The following SPTBN5 variants were observed in gnomAD, a reference collection of about 807,000 sequenced individuals.
The protein encoded by SPTBN5 is spectrin beta, non-erythrocytic 5.
In SPTBN5, 513 loss-of-function variants were observed where a neutral mutation model predicts 477.6. That is an observed-to-expected ratio of 1.07 (90% confidence interval 1.00 to 1.16). The LOEUF (loss-of-function observed/expected upper bound fraction) is 1.16. Ranked by LOEUF, SPTBN5 falls within the 50% of genes most tolerant of loss-of-function variation. SPTBN5 has a pLI of 0.00. For missense variants in SPTBN5, 5,062 were observed against 4,731.8 expected (o/e 1.07, Z -2.05); for synonymous variants, 2,169 against 2,011.7 (o/e 1.08, Z -2.09).
At position 41,879,737 on chromosome 15, in the gene SPTBN5, T is replaced by C. The variant is rs774345078; in HGVS notation, c.2939A>G (p.Gln980Arg). 1 of 1,613,670 alleles carries C rather than the reference T, an allele frequency of 6.2e-7. No homozygotes were observed. Among genetic ancestry groups the C allele is most frequent in the South Asian group, 1.1e-5 (1 of 91,068 alleles). The change falls in exon 15 of 68, where the codon CAG becomes CGG. Residue 980 changes from glutamine to arginine, a missense_variant. By Grantham distance (43) the Gln-to-Arg change is conservative. Coordinates refer to ENST00000320955, the MANE Select transcript of SPTBN5 (RefSeq NM_016642.4). ...TGCACTCCTGCCTCATTCTCACCTC[T>C]GGCTCAGTTCCTCCTGCTGTCGTTG... ...QIQRQQEELS[Q>R]RWGQLEALKR...
Position 41,857,246 on chromosome 15 carries a change from C to A in SPTBN5, c.8613G>T (p.Leu2871=). The change falls in exon 51 of 68, where the codon CTG becomes CTT. Residue 2871 remains leucine (L), a synonymous_variant. Transcript: ENST00000320955. ...AQDVEEQARR[L]LQRFKSLREP... ...GGCACGGGTGGATCTACCTCTGAAG[C>A]AGCCGCCGGGCCTGCTCTTCCACAT... The A allele has an allele frequency of 6.3e-7, 1 of 1,582,936 alleles. No homozygotes were observed. Among genetic ancestry groups the A allele is most frequent in the Admixed American group, 1.8e-5 (1 of 56,424 alleles).
At chr15:41,865,149 A>G (rs2066255920) in intron 39 of SPTBN5, among the ~76,000 whole-genome samples, 1 of 152,174 alleles carries the variant, frequency 6.6e-6, no homozygotes, top group South Asian at 2.1e-4. Context: ...GGTCTTTAAC[A>G]CCTGATTGTC....
chr15:41,882,032 G>A lies in SPTBN5; in HGVS notation c.2361C>T (p.His787=). The stretch of plus-strand genomic sequence containing the variant: ...CGCGCAGGACGCGCTCCAGCCGCAC[G>A]TGGCGCCTCAGCAGGGTCTCGGCGG... The part of the protein sequence containing the change: ...QAAAETLLRR[H]VRLERVLRAF... The change falls in exon 12 of 68, where the codon CAC becomes CAT. Residue 787 remains histidine (H), a synonymous_variant. Coordinates refer to ENST00000320955, the MANE Select transcript of SPTBN5 (RefSeq NM_016642.4). 3.9e-6 allele frequency: 6 copies of A among 1,548,362 alleles called. No homozygotes were observed. The highest frequency in any genetic ancestry group is 5.2e-6 in the Non-Finnish European group (6 of 1,157,998).
At position 41,862,274 on chromosome 15, in the gene SPTBN5, G is replaced by T; in HGVS notation, c.7404C>A (p.Ala2468=). Residue 2468 remains alanine, a synonymous_variant, in exon 44 of 68, where the codon GCC becomes GCA. Coordinates refer to ENST00000320955, the MANE Select transcript of SPTBN5 (RefSeq NM_016642.4). Reference sequence around the variant, plus strand: ...CCTGGAGTTTCTGAGCTTGGTGCAAGGCATCCAGCGCCTCCCTCCTGCCCA... The same window carrying T: ...CCTGGAGTTTCTGAGCTTGGTGCAATGCATCCAGCGCCTCCCTCCTGCCCA... The part of the protein sequence containing the change: ...RAQKRREALD[A]LHQAQKLQAM... 1.9e-6 allele frequency: 3 copies of T among 1,605,588 alleles called. No homozygotes were observed. The highest frequency in any genetic ancestry group is 1.7e-6 in the Non-Finnish European group (2 of 1,175,872).
intron 47 of SPTBN5, 150 bp downstream of exon 47, chr15:41,860,436 G>T: frequency 1.3e-6 from 1 of 759,534 alleles, no homozygotes; most frequent in East Asian, 3.4e-5. Flanking sequence ...AGGGCCAGGG[G>T]TGGTGGGGAC....
intron 34 of SPTBN5, 135 bp from the exon 35 acceptor site, chr15:41,867,777 G>A (rs559803341): frequency 3.3e-6 from 3 of 895,692 alleles, no homozygotes; most frequent in Non-Finnish European, 5.4e-6. Context: ...GGAGCTGTGA[G>A]GAGTGGGAGT....
intron 29 of SPTBN5, 51 bp from the exon 30 acceptor site, chr15:41,870,611 C>G: frequency 1.3e-6 from 2 of 1,487,754 alleles, no homozygotes; most frequent in South Asian, 2.3e-5. Flanking sequence ...CGGGCCGTGT[C>G]ATTCCTCCCT....
chr15:41,870,693 A>G, intron 29 of SPTBN5, 133 bp from the exon 30 acceptor site: 1 of 621,748 alleles, frequency 1.6e-6, no homozygotes. Flanking sequence ...CCTTCTTAAA[A>G]CCTCTCCCGC....
rs141376999 is a variant in SPTBN5 at position 41,856,287 on chromosome 15, C to G, written c.9021+99G>C. Reference sequence around the variant, plus strand: ...GCAGGAGACCACTGAGTGGAGGAGACGAAAGGTGCCCAGGCCAGGAGCCCC... The same window carrying G: ...GCAGGAGACCACTGAGTGGAGGAGAGGAAAGGTGCCCAGGCCAGGAGCCCC... On this transcript the variant is annotated intron_variant, in intron 53 of 67. Transcript: ENST00000320955. 5 of 1,140,082 alleles carry G rather than the reference C, an allele frequency of 4.4e-6. No homozygotes were observed. The African/African-American group carries it at 8.0e-5, about 18-fold the overall frequency. The allele number at this position is 1,140,082 out of a possible 1,614,324, so 70.6% of individuals were successfully genotyped here.
chr15:41,887,907 CT>C lies in SPTBN5; in HGVS notation c.659+20del. The C allele has an allele frequency of 6.2e-7, 1 of 1,600,546 alleles. No homozygotes were observed. The highest frequency in any genetic ancestry group is 1.1e-5 in the South Asian group (1 of 88,520). On this transcript the variant is annotated intron_variant, in intron 5 of 67. Transcript: ENST00000320955. ...TGTTGGCTCAGTGGGCAGAGGCCTC[CT>C]GACAAGGGTGGGGTCACACCTGTGG... is the stretch of plus-strand genomic sequence containing the variant.
intron 28 of SPTBN5, 97 bp from the exon 29 acceptor site, chr15:41,871,617 G>A (rs1301758160): frequency 3.5e-6 from 5 of 1,416,556 alleles, no homozygotes; most frequent in African/African-American, 1.5e-5. Flanking sequence ...TGGGTGATGT[G>A]GGCTTGGATA....
intron 16 of SPTBN5, 142 bp downstream of exon 16, chr15:41,879,118 T>G: frequency 1.0e-6 from 1 of 998,872 alleles, no homozygotes; most frequent in African/African-American, 1.6e-5. Flanking sequence ...CATTTTCTCC[T>G]GATCATCCCC....
intron 5 of SPTBN5, 138 bp downstream of exon 5, chr15:41,887,790 C>A: frequency 4.6e-6 from 4 of 878,678 alleles, no homozygotes; most frequent in Non-Finnish European, 3.4e-6. Flanking sequence ...AGGGGCTAAC[C>A]CATCAGCCCT....
At chr15:41,875,429 C>T in intron 22 of SPTBN5, 29 bp downstream of exon 22, 1 of 1,604,268 alleles carries the variant, frequency 6.2e-7, no homozygotes, top group Non-Finnish European at 8.5e-7. Context: ...CCGTCTCCCT[C>T]TTGTGCCCTG....
chr15:41,879,950 T>G (rs2066891329), intron 14 of SPTBN5, 86 bp from the exon 15 acceptor site: 2 of 1,552,196 alleles, frequency 1.3e-6, no homozygotes, highest in East Asian at 4.6e-5. Context: ...TGAGTGGTGC[T>G]CTCTGCTACA....
At chr15:41,884,388 G>A (rs2067082433) in intron 7 of SPTBN5, among the ~76,000 whole-genome samples, 3 of 152,158 alleles carry the variant, frequency 2.0e-5, no homozygotes, top group African/African-American at 7.2e-5. Context: ...CCAAAGTGCT[G>A]AGATTACAGG....
In SPTBN5 at chr15:41,863,791, G is replaced by A. The variant is rs2066202599; in HGVS notation, c.7062C>T (p.Leu2354=). The A allele has an allele frequency of 6.2e-7, 1 of 1,613,746 alleles. No individual in the cohort carries two copies. Among genetic ancestry groups the A allele is most frequent in the African/African-American group, 1.3e-5 (1 of 74,938 alleles). The change falls in exon 41 of 68, where the codon CTC becomes CTT. Residue 2354 remains leucine (L), a synonymous_variant. Coordinates refer to ENST00000320955, the MANE Select transcript of SPTBN5 (RefSeq NM_016642.4). ...CCCCTTCGAGCTGCTGCTGGTACCGGAGCAAGTTGCCATGGAAACTCGCCC... is the reference window on the plus strand; with the variant it reads ...CCCCTTCGAGCTGCTGCTGGTACCGAAGCAAGTTGCCATGGAAACTCGCCC... ...NRWASFHGNL[L]RYQQQLEGAL... is the part of the protein sequence containing the mutation.
intron 12 of SPTBN5, 64 bp downstream of exon 12, chr15:41,881,872 T>C: frequency 6.9e-7 from 1 of 1,442,342 alleles, no homozygotes; most frequent in Non-Finnish European, 9.1e-7. Flanking sequence ...ATTTTTGTCC[T>C]CTGTGTGGCC....
chr15:41,850,965 C>CTCCACTG, intron 65 of SPTBN5, 26 bp from the exon 66 acceptor site: 1 of 1,593,752 alleles, frequency 6.3e-7, no homozygotes. Flanking sequence ...ACAGGTCAAA[C>CTCCACTG]TCCACTGTCC....
Sources: allele counts gnomAD v4.1 joint callset (sites outside exome capture counted in the v4.1 genomes callset), GRCh38; gene constraint gnomAD v4.1.1; transcripts MANE v1.5; gene names NCBI Gene and HGNC (gene_info 2026-07-23, HGNC 2026-07-21).